The following SOX5 variants were observed in gnomAD, a reference collection of about 807,000 sequenced individuals.
SOX5 encodes the protein SRY-box transcription factor 5, also known as transcription factor SOX-5.
A neutral mutation model predicts 92.0 loss-of-function variants in SOX5; 9 were observed. The ratio of observed to expected loss-of-function variants is 0.10; its 90% CI spans 0.06 to 0.17. The LOEUF (loss-of-function observed/expected upper bound fraction) is 0.17, where lower values mean the gene tolerates loss of function less well. Ranked by LOEUF, SOX5 falls within the 10% of genes least tolerant of loss-of-function variation. The pLI, the probability that SOX5 is intolerant of heterozygous loss-of-function variation, is 1.00. For missense variants in SOX5, 642 were observed against 944.5 expected (o/e 0.68, Z 4.20); for synonymous variants, 344 against 336.3 (o/e 1.02, Z -0.25).
chr12:23,992,384 A>G (rs1030220109), intron 4 of SOX5, among the ~76,000 whole-genome samples: 4 of 152,176 alleles, frequency 2.6e-5, no homozygotes, highest in African/African-American at 9.6e-5. Flanking sequence ...ATACTTACTT[A>G]TATTATTTCA....
At chr12:23,753,331 A>C (rs1218915213) in intron 4 of SOX5, among the ~76,000 whole-genome samples, 1 of 151,592 alleles carries the variant, frequency 6.6e-6, no homozygotes. Context: ...AATATTCAGA[A>C]AAGGGAAAAG....
intron 2 of SOX5, among the ~76,000 whole-genome samples, chr12:24,329,009 A>G (rs1277955241): frequency 1.3e-5 from 2 of 152,208 alleles, no homozygotes; most frequent in South Asian, 4.1e-4. Context: ...GAACTAAGGT[A>G]TGTATTAACA....
intron 1 of SOX5, among the ~76,000 whole-genome samples, chr12:24,523,549 C>T (rs1398798719): frequency 6.6e-6 from 1 of 152,090 alleles, no homozygotes; most frequent in Non-Finnish European, 1.5e-5. Flanking sequence ...GACATGTGGA[C>T]CGATGGATCA....
At chr12:23,835,814 G>A (rs1218352351) in intron 3 of SOX5, among the ~76,000 whole-genome samples, 2 of 151,678 alleles carry the variant, frequency 1.3e-5, no homozygotes, top group Non-Finnish European at 3.0e-5. Context: ...CTAGTCTAAG[G>A]TTGACTTTAG....
At chr12:23,983,048 T>C (rs1329973853) in intron 4 of SOX5, among the ~76,000 whole-genome samples, 1 of 151,910 alleles carries the variant, frequency 6.6e-6, no homozygotes, top group Non-Finnish European at 1.5e-5. Flanking sequence ...TGAGTTAGTC[T>C]TGGACAGCAA....
chr12:23,986,611 T>G (rs574197334), intron 4 of SOX5, among the ~76,000 whole-genome samples: 1 of 152,208 alleles, frequency 6.6e-6, no homozygotes, highest in Admixed American at 6.5e-5. Context: ...AATCAACCAG[T>G]TGACCACATG....
At chr12:23,558,920 C>A (rs1945721246) in intron 11 of SOX5, among the ~76,000 whole-genome samples, 1 of 152,168 alleles carries the variant, frequency 6.6e-6, no homozygotes, top group African/African-American at 2.4e-5. Flanking sequence ...ACTATCTAAG[C>A]TACTACATTC....
chr12:23,703,933 G>A (rs974986686), intron 6 of SOX5, among the ~76,000 whole-genome samples: 5 of 151,954 alleles, frequency 3.3e-5, no homozygotes, highest in Non-Finnish European at 7.4e-5. Flanking sequence ...TTAGTTTAAT[G>A]TATAGATACT....
chr12:24,388,197 A>G (rs1030898146), intron 1 of SOX5, among the ~76,000 whole-genome samples: 8 of 152,308 alleles, frequency 5.3e-5, no homozygotes, highest in Admixed American at 4.6e-4. Context: ...TAACACATAT[A>G]ATTCTAATCT....
intron 4 of SOX5, among the ~76,000 whole-genome samples, chr12:24,070,445 T>C (rs1941583124): frequency 6.6e-6 from 1 of 152,146 alleles, no homozygotes; most frequent in Non-Finnish European, 1.5e-5. Flanking sequence ...GGGCAATACA[T>C]ATCCTAAAAT....
At chr12:24,056,629 T>C (rs1000876571) in intron 4 of SOX5, among the ~76,000 whole-genome samples, 2 of 152,200 alleles carry the variant, frequency 1.3e-5, no homozygotes, top group Admixed American at 6.5e-5. Flanking sequence ...TTCTGTTGCT[T>C]GCACAAACTT....
intron 1 of SOX5, among the ~76,000 whole-genome samples, chr12:23,913,542 C>T (rs956740687): frequency 5.3e-5 from 8 of 151,848 alleles, no homozygotes; most frequent in Non-Finnish European, 8.8e-5. Context: ...TCGAGACCAG[C>T]CTGGCCAACA....
rs1020224235 is a variant in SOX5 at position 23,532,018 on chromosome 12, A to G, written c.*2201T>C. On this transcript the variant is annotated 3_prime_UTR_variant, in exon 15 of 15. Coordinates refer to ENST00000451604, the MANE Select transcript of SOX5 (RefSeq NM_006940.6). ...CTAACAGCTTATTGGCTGCACTTCCAAATCAGAGCAGAATAAAATAGAAAG... is the reference window on the plus strand; with the variant it reads ...CTAACAGCTTATTGGCTGCACTTCCGAATCAGAGCAGAATAAAATAGAAAG... 2.0e-5 allele frequency: 3 copies of G among 151,070 alleles called. No individual in the cohort carries two copies. Among genetic ancestry groups the G allele is most frequent in the African/African-American group, 7.3e-5 (3 of 41,210 alleles). The allele number at this position is 151,070 out of a possible 1,614,324, so 9.4% of individuals were successfully genotyped here.
chr12:24,355,334 G>C lies in SOX5; in HGVS notation c.-174+13229C>G, dbSNP rs973551269. The stretch of plus-strand genomic sequence containing the variant: ...TTTTTTTTTTTTTTTTTGAGATGGA[G>C]TCTCGCTCTGTCACCCAGGCTGGAG... On this transcript the variant is annotated intron_variant, in intron 2 of 4. Transcript: ENST00000446891. 3.1e-5 allele frequency among the ~76,000 whole-genome samples: 3 copies of C among 97,576 alleles called. No individual in the cohort carries two copies. In the Admixed American group the frequency reaches 4.7e-4, roughly 15 times the overall value. 64.0% of individuals were successfully genotyped at this position (97,576 alleles called of 152,430 possible). A position where few individuals can be genotyped will look rare whatever the true frequency, so the allele number is the denominator to read the frequency against.
intron 8 of SOX5, among the ~76,000 whole-genome samples, chr12:23,633,348 T>C (rs2078798387): frequency 6.6e-6 from 1 of 152,188 alleles, no homozygotes; most frequent in Non-Finnish European, 1.5e-5. Context: ...AGATGGATTG[T>C]TGCCATCATT....
intron 7 of SOX5, among the ~76,000 whole-genome samples, chr12:23,659,302 C>T (rs550319482): frequency 3.7e-4 from 57 of 152,298 alleles, no homozygotes; most frequent in Admixed American, 3.7e-3. Flanking sequence ...TATTTAACTC[C>T]TAAACATTAA....
rs540451286 is a variant in SOX5, at chr12:24,006,634, TCTGCCTGATC to T, written c.-1-110620_-1-110611del. ...CTCCTTCCAGGATTGGGTAGACAAATCTGCCTGATCCTGTAACTCAGTGTTAGGAAGATTC... is the reference window on the plus strand; with the variant it reads ...CTCCTTCCAGGATTGGGTAGACAAATCTGTAACTCAGTGTTAGGAAGATTC... On this transcript the variant is annotated intron_variant, in intron 4 of 4. Coordinates refer to the SOX5 transcript ENST00000446891. Among the ~76,000 whole-genome samples the T allele has an allele frequency of 2.0e-5, 3 of 152,270 alleles. No homozygotes were observed. In the East Asian group the frequency reaches 5.8e-4, roughly 29 times the overall value.
intron 1 of SOX5, among the ~76,000 whole-genome samples, chr12:24,407,815 A>T (rs1200922372): frequency 6.6e-6 from 1 of 152,230 alleles, no homozygotes; most frequent in Non-Finnish European, 1.5e-5. Context: ...CTTTTGAAAT[A>T]AAATGCTCCA....
At chr12:24,045,100 A>G (rs1460201503) in intron 4 of SOX5, among the ~76,000 whole-genome samples, 1 of 152,198 alleles carries the variant, frequency 6.6e-6, no homozygotes, top group Non-Finnish European at 1.5e-5. Context: ...CATAGCCTCA[A>G]AATATCCAGC....
Sources: allele counts gnomAD v4.1 joint callset (sites outside exome capture counted in the v4.1 genomes callset), GRCh38; gene constraint gnomAD v4.1.1; transcripts MANE v1.5; gene names NCBI Gene and HGNC (gene_info 2026-07-23, HGNC 2026-07-21).